Variants in SMG6 observed in about 807,000 individuals in gnomAD.
SMG6 encodes SMG6 nonsense mediated mRNA decay factor.
Under a neutral mutation model 142.2 loss-of-function variants are expected in SMG6, and 66 were observed. That is an observed-to-expected ratio of 0.46 (90% CI 0.38 to 0.57). The LOEUF (loss-of-function observed/expected upper bound fraction) is 0.57. SMG6 is among the 20% of genes least tolerant of loss of function. SMG6 has a pLI of 0.00. For synonymous variants in SMG6, 779 were observed against 702.4 expected (o/e 1.11, Z -1.72); for missense variants, 1,793 against 1,832.0 (o/e 0.98, Z 0.39).
chr17:2,188,644 T>A, intron 10 of SMG6, 129 bp from the exon 11 acceptor site: 1 of 715,084 alleles, frequency 1.4e-6, no homozygotes, highest in Non-Finnish European at 2.3e-6. Flanking sequence ...AGAGTGGTCA[T>A]AAGGCCAAGT....
chr17:2,232,663 C>T (rs977884043), intron 10 of SMG6: 1 of 152,136 alleles, frequency 6.6e-6, no homozygotes, highest in Non-Finnish European at 1.5e-5. Context: ...TATCCACTGA[C>T]GTAGGACTCT....
At position 2,085,783 on chromosome 17, in the gene SMG6, A is replaced by G. The variant is rs780702431; in HGVS notation, c.3476T>C (p.Val1159Ala). 1 of 1,614,100 alleles carries G rather than the reference A, an allele frequency of 6.2e-7. No homozygotes were observed. ...KGGKYVSVAP[V>A]PDTMGKEMGS... Reference sequence around the variant, plus strand: ...CATTTCCTTTCCCATGGTGTCTGGGACGGGTGCCACTGACACATACTTTCC... The same window carrying G: ...CATTTCCTTTCCCATGGTGTCTGGGGCGGGTGCCACTGACACATACTTTCC... Residue 1159 changes from valine (V) to alanine (A), a missense_variant, in exon 14 of 19, where the codon GTC becomes GCC. Physicochemically the swap from Val to Ala is moderately conservative, Grantham distance 64 (BLOSUM62 0). Around this residue, in one of 3 missense-constraint regions of SMG6, gnomAD observed 1,597 missense variants for 1,584.6 expected, o/e 1.01. Coordinates refer to ENST00000263073, the MANE Select transcript of SMG6 (RefSeq NM_017575.5). The surrounding 1 kb of genome is among the most constrained non-coding windows in gnomAD (Gnocchi z 4.1).
Position 2,114,875 on chromosome 17 carries a change from C to T in SMG6, c.3358-28974G>A, listed in dbSNP as rs540917836. 2.4e-4 allele frequency among the ~76,000 whole-genome samples: 32 copies of T among 131,178 alleles called. No individual in the cohort carries two copies. The South Asian group carries it at 6.3e-3, about 26-fold the overall frequency. 86.1% of individuals were successfully genotyped at this position (131,178 alleles called of 152,430 possible). A position where few individuals can be genotyped will look rare whatever the true frequency, so the allele number is the denominator to read the frequency against. ...ATCCAGGAGGCGGAGGTTGTGGAGT[C>T]GAAATCGTGCCACTGCACTCCAGCC... On this transcript the variant is annotated intron_variant, in intron 13 of 18. Transcript: ENST00000263073.
intron 13 of SMG6, among the ~76,000 whole-genome samples, chr17:2,146,501 A>G (rs1423474527): frequency 1.3e-5 from 2 of 152,246 alleles, no homozygotes; most frequent in Non-Finnish European, 2.9e-5. Flanking sequence ...CTTCAGGTTT[A>G]GCAAAGAATT....
At chr17:2,252,940 A>G (rs1445754265) in intron 8 of SMG6, among the ~76,000 whole-genome samples, 1 of 152,000 alleles carries the variant, frequency 6.6e-6, no homozygotes, top group Non-Finnish European at 1.5e-5. Flanking sequence ...AAATAAGAGA[A>G]TATTTGATGA....
chr17:2,068,925 G>A lies in SMG6; in HGVS notation c.3688C>T (p.Leu1230=), dbSNP rs115510096. 4.9e-4 allele frequency: 793 copies of A among 1,614,122 alleles called. 5 individuals carry two copies. In the African/African-American group the frequency reaches 9.1e-3, roughly 19 times the overall value. The change falls in exon 16 of 19, where the codon CTG becomes TTG. Residue 1230 remains leucine (L), a synonymous_variant. Coordinates refer to ENST00000263073, the MANE Select transcript of SMG6 (RefSeq NM_017575.5). The surrounding 1 kb of genome is among the most constrained non-coding windows in gnomAD (Gnocchi z 6.7). ...QRRQEKIQAV[L]EDHSQMRQME... ...TGCCTCATCTGACTGTGGTCCTCCA[G>A]GACAGCCTATGGGGACAGAGTGGTG...
chr17:2,133,223 G>T (rs963165161), intron 13 of SMG6, among the ~76,000 whole-genome samples: 1 of 152,104 alleles, frequency 6.6e-6, no homozygotes, highest in Admixed American at 6.6e-5. Context: ...CAGTGTGGGT[G>T]ACAGAACGAG....
chr17:2,064,567 TG>T, intron 18 of SMG6, among the ~76,000 whole-genome samples: 1 of 152,178 alleles, frequency 6.6e-6, no homozygotes, highest in African/African-American at 2.4e-5. Context: ...CACTATTCAC[TG>T]GGGAAATGCC....
chr17:2,192,298 G>A (rs1310322058), intron 10 of SMG6, among the ~76,000 whole-genome samples: 1 of 152,246 alleles, frequency 6.6e-6, no homozygotes, highest in Non-Finnish European at 1.5e-5. Flanking sequence ...GATGGAGTTT[G>A]GTTGGTCACA....
intron 4 of SMG6, among the ~76,000 whole-genome samples, chr17:2,294,471 G>A (rs183753570): frequency 9.0e-4 from 137 of 152,142 alleles, no homozygotes; most frequent in African/African-American, 3.1e-3. Context: ...CCATATTCCC[G>A]GTCACTTTCT....
intron 11 of SMG6, among the ~76,000 whole-genome samples, chr17:2,188,169 G>A (rs764625920): frequency 1.3e-5 from 2 of 152,164 alleles, no homozygotes; most frequent in African/African-American, 2.4e-5. Context: ...TACTAAAGGA[G>A]AAAAGAGAGA....
At chr17:2,176,985 C>G (rs574072735) in intron 12 of SMG6, among the ~76,000 whole-genome samples, 5 of 152,214 alleles carry the variant, frequency 3.3e-5, no homozygotes, top group Non-Finnish European at 7.3e-5. Context: ...CGATACAATG[C>G]AGCCCAGGCC....
At chr17:2,185,504 AG>A (rs1401421411) in intron 12 of SMG6, among the ~76,000 whole-genome samples, 1 of 152,156 alleles carries the variant, frequency 6.6e-6, no homozygotes, top group African/African-American at 2.4e-5. Context: ...ATTAAAAAAA[AG>A]AAAAAGAAAA....
chr17:2,264,857 G>A (rs1284242707), intron 8 of SMG6, among the ~76,000 whole-genome samples: 2 of 151,222 alleles, frequency 1.3e-5, no homozygotes, highest in African/African-American at 4.9e-5. Context: ...AGCTGAGATC[G>A]CGCCACTGCA....
chr17:2,237,947 T>C (rs973276943), intron 9 of SMG6, among the ~76,000 whole-genome samples: 14 of 152,188 alleles, frequency 9.2e-5, no homozygotes, highest in African/African-American at 3.4e-4. Flanking sequence ...GACATACTTG[T>C]GGGGTTGGGG....
intron 12 of SMG6, among the ~76,000 whole-genome samples, chr17:2,183,650 T>C (rs2071874318): frequency 6.6e-6 from 1 of 152,076 alleles, no homozygotes; most frequent in Admixed American, 6.6e-5. Context: ...AGTCATGAAA[T>C]AGTACTCGTT....
At chr17:2,165,206 A>G (rs988699920) in intron 13 of SMG6, among the ~76,000 whole-genome samples, 1 of 152,158 alleles carries the variant, frequency 6.6e-6, no homozygotes, top group Non-Finnish European at 1.5e-5. Context: ...AAGTGGCCCA[A>G]TGACAGAATT....
intron 9 of SMG6, chr17:2,237,695 G>T: frequency 3.0e-6 from 1 of 337,010 alleles, no homozygotes; most frequent in South Asian, 1.2e-4. Flanking sequence ...CCTAAGGAGA[G>T]GTCATTCAAA....
chr17:2,061,305 G>C lies in SMG6; in HGVS notation c.*187C>G. 1.6e-6 allele frequency: 1 copy of C among 610,852 alleles called. No homozygotes were observed. The highest frequency in any genetic ancestry group is 2.0e-5 in the South Asian group (1 of 49,644). The allele number at this position is 610,852 out of a possible 1,614,324, so 37.8% of individuals were successfully genotyped here. On this transcript the variant is annotated 3_prime_UTR_variant, in exon 19 of 19. Transcript: ENST00000263073. ...AGGAGGGTCCCAGCAGCTTCCGCCC[G>C]ATCCTTGGGAGGGGCTCTGTGAGGA...
Sources: gnomAD v4.1 joint callset for allele counts (sites outside exome capture counted in the v4.1 genomes callset) on GRCh38, gnomAD v4.1.1 for gene constraint, gnomAD v4.1.1 regional missense constraint, Gnocchi (gnomAD v3.1) non-coding constraint, MANE v1.5 for transcripts, NCBI Gene and HGNC (gene_info 2026-07-23, HGNC 2026-07-21) for gene names.